Variants in FANCA observed in about 807,000 individuals in gnomAD.
FANCA encodes the protein Fanconi anemia group A protein.
In FANCA, 236 loss-of-function variants were observed where a neutral mutation model predicts 194.3. That is an observed-to-expected ratio of 1.21 (90% CI 1.09 to 1.35). FANCA has a LOEUF of 1.35. Ranked by LOEUF, FANCA falls within the 40% of genes most tolerant of loss-of-function variation. The pLI is 0.00. For missense variants in FANCA, 2,628 were observed against 1,813.9 expected, an observed-to-expected ratio of 1.45 and a Z score of -8.15; for synonymous variants, 1,014 against 715.8, an observed-to-expected ratio of 1.42 and a Z score of -6.65.
At chr16:89,746,767 T>G in intron 34 of FANCA, 64 bp downstream of exon 34, 1 of 1,593,002 alleles carries the variant, frequency 6.3e-7, no homozygotes. Context: ...CACAGGAAGC[T>G]GACAGGAGGA....
At chr16:89,781,844 A>G (rs2039719003) in intron 17 of FANCA, among the ~76,000 whole-genome samples, 1 of 145,390 alleles carries the variant, frequency 6.9e-6, no homozygotes, top group South Asian at 2.2e-4. Flanking sequence ...CTAAAAATAT[A>G]CAAAAAATTA....
At chr16:89,805,508 C>G in intron 6 of FANCA, 116 bp from the exon 7 acceptor site, 1 of 737,130 alleles carries the variant, frequency 1.4e-6, no homozygotes, top group Non-Finnish European at 2.4e-6. Flanking sequence ...GTCACTGAGG[C>G]TGGAGTGCAG....
chr16:89,765,141 G>A lies in FANCA; in HGVS notation c.2602-75C>T, dbSNP rs561625010. 1.9e-6 allele frequency: 3 copies of A among 1,539,802 alleles called. No individual in the cohort carries two copies. In the East Asian group the frequency reaches 6.8e-5, roughly 35 times the overall value. On this transcript the variant is annotated intron_variant, in intron 27 of 42. Coordinates refer to ENST00000389301, the MANE Select transcript of FANCA (RefSeq NM_000135.4). ...TGAGTGGCTGAGCAAATGCTCAGGT[G>A]GAAACAGACCATCAACAGCCCACAC...
In FANCA at chr16:89,766,322, G is replaced by A. The variant is rs531351194; in HGVS notation, c.2601+819C>T. On this transcript the variant is annotated intron_variant, in intron 27 of 42. Coordinates refer to ENST00000389301, the MANE Select transcript of FANCA (RefSeq NM_000135.4). Reference sequence around the variant, plus strand: ...AAAACCACTATTTTATACACGAGACGTTCATTAAAATCCTATAAAAGGACA... The same window carrying A: ...AAAACCACTATTTTATACACGAGACATTCATTAAAATCCTATAAAAGGACA... 2.0e-5 allele frequency among the ~76,000 whole-genome samples: 3 copies of A among 152,064 alleles called. No individual in the cohort carries two copies. In the South Asian group the frequency reaches 6.2e-4, roughly 32 times the overall value.
intron 17 of FANCA, 55 bp from the exon 18 acceptor site, chr16:89,780,012 C>A (rs2039646898): frequency 1.3e-6 from 2 of 1,519,848 alleles, no homozygotes; most frequent in Non-Finnish European, 1.8e-6. Flanking sequence ...AAAGAAAAGA[C>A]TGAGCAGTGA....
At chr16:89,790,115 C>T (rs1054947328) in intron 14 of FANCA, among the ~76,000 whole-genome samples, 3 of 152,146 alleles carry the variant, frequency 2.0e-5, no homozygotes, top group Non-Finnish European at 4.4e-5. Context: ...AAATTAGAGA[C>T]GCAAGGCTGG....
At chr16:89,770,414 C>A in intron 24 of FANCA, 150 bp downstream of exon 24, 1 of 1,021,476 alleles carries the variant, frequency 9.8e-7, no homozygotes, top group Non-Finnish European at 1.5e-6. Flanking sequence ...CAGTGCTTCC[C>A]AACTTCTGCT....
chr16:89,770,590 A>C lies in FANCA; in HGVS notation c.2196T>G (p.Ala732=). 6.2e-7 allele frequency: 1 copy of C among 1,611,786 alleles called. No homozygotes were observed. The highest frequency in any genetic ancestry group is 1.3e-5 in the African/African-American group (1 of 74,998). Reference sequence around the variant, plus strand: ...TCTCCGGGGGAGCGACACTGGAGGCAGCCATCAGGTTCTGACAGAAAGACG... The same window carrying C: ...TCTCCGGGGGAGCGACACTGGAGGCCGCCATCAGGTTCTGACAGAAAGACG... ...LLTSFCQNLM[A]ASSVAPPERQ... The change falls in exon 24 of 43, where the codon GCT becomes GCG. Residue 732 remains alanine (A), a synonymous_variant. Transcript: ENST00000389301.
At chr16:89,812,670 A>AC (rs2040941609) in intron 3 of FANCA, among the ~76,000 whole-genome samples, 2 of 148,914 alleles carry the variant, frequency 1.3e-5, no homozygotes, top group East Asian at 1.9e-4. Context: ...AAAAAAAAAA[A>AC]CTGTTAACTG....
Position 89,815,869 on chromosome 16 carries a change from C to T in FANCA, c.189+8G>A, listed in dbSNP as rs2143723236. 1 of 1,602,870 alleles carries T rather than the reference C, an allele frequency of 6.2e-7. No homozygotes were observed. Among genetic ancestry groups the T allele is most frequent in the East Asian group, 2.2e-5 (1 of 44,820 alleles). Reference sequence around the variant, plus strand: ...TCTGCCCGCAGACGGACACCAGCTTCCTCTTACCTCAAGCAAAAGGGCATT... The same window carrying T: ...TCTGCCCGCAGACGGACACCAGCTTTCTCTTACCTCAAGCAAAAGGGCATT... On this transcript the variant is annotated splice_region_variant and intron_variant, in intron 2 of 42. Coordinates refer to ENST00000389301, the MANE Select transcript of FANCA (RefSeq NM_000135.4).
At chr16:89,766,880 T>C (rs1051957113) in intron 27 of FANCA, among the ~76,000 whole-genome samples, 2 of 152,268 alleles carry the variant, frequency 1.3e-5, no homozygotes, top group Admixed American at 1.3e-4. Context: ...TACAGACTTG[T>C]AGTTGTCTTC....
At chr16:89,784,738 T>G in intron 15 of FANCA, 116 bp downstream of exon 15, 1 of 822,338 alleles carries the variant, frequency 1.2e-6, no homozygotes, top group Non-Finnish European at 2.2e-6. Flanking sequence ...GGGAAGGGCC[T>G]GGCTGAGAGG....
chr16:89,738,825 G>A, intron 42 of FANCA, 57 bp downstream of exon 42: 1 of 1,614,088 alleles, frequency 6.2e-7, no homozygotes, highest in South Asian at 1.1e-5. Context: ...ACATGGCCCA[G>A]GCAGCTGTCA....
At chr16:89,746,557 A>C (rs770811076) in intron 35 of FANCA, 27 bp downstream of exon 35, 1 of 1,600,536 alleles carries the variant, frequency 6.2e-7, no homozygotes, top group Non-Finnish European at 8.6e-7. Flanking sequence ...CCCCAAAACA[A>C]AACACCAAAC....
At chr16:89,794,478 G>C (rs1309424959) in intron 11 of FANCA, among the ~76,000 whole-genome samples, 1 of 152,140 alleles carries the variant, frequency 6.6e-6, no homozygotes, top group Non-Finnish European at 1.5e-5. Context: ...AGAGGTTGCA[G>C]TGAGCTGAGA....
chr16:89,741,043 TTAC>T, intron 37 of FANCA, 177 bp from the exon 38 acceptor site: 1 of 652,120 alleles, frequency 1.5e-6, no homozygotes, highest in Non-Finnish European at 2.8e-6. Flanking sequence ...TGAGAATTAA[TTAC>T]TACTGGCTGG....
At chr16:89,810,022 T>C (rs1398001889) in intron 5 of FANCA, among the ~76,000 whole-genome samples, 1 of 149,480 alleles carries the variant, frequency 6.7e-6, no homozygotes, top group African/African-American at 2.5e-5. Flanking sequence ...CAATATTCTG[T>C]CTCAAAAATA....
Position 89,744,930 on chromosome 16 carries a change from G to A in FANCA, c.3626+29C>T, listed in dbSNP as rs536008996. 5 of 1,594,692 alleles carry A rather than the reference G, an allele frequency of 3.1e-6. No individual in the cohort carries two copies. In the South Asian group the frequency reaches 3.3e-5, roughly 11 times the overall value. ...CAGGTCCCGAAGTGCATCTGGGCGG[G>A]CACACCCCATCTCACCACCCACACG... On this transcript the variant is annotated intron_variant, in intron 36 of 42. Transcript: ENST00000389301.
At position 89,767,124 on chromosome 16, in the gene FANCA, GAA is replaced by G. The variant is rs779895555; in HGVS notation, c.2601+15_2601+16del. The G allele has an allele frequency of 6.3e-7, 1 of 1,583,708 alleles. No individual in the cohort carries two copies. The highest frequency in any genetic ancestry group is 1.7e-4 in the Middle Eastern group (1 of 6,012). ...AACGTATGGCAGAATGGAAAAATAG[GAA>G]AAGAGTGAACCTACCTTTTTAATAA... On this transcript the variant is annotated intron_variant, in intron 27 of 42. Coordinates refer to ENST00000389301, the MANE Select transcript of FANCA (RefSeq NM_000135.4).
Sources: gnomAD v4.1 joint callset for allele counts (sites outside exome capture counted in the v4.1 genomes callset) on GRCh38, gnomAD v4.1.1 for gene constraint, MANE v1.5 for transcripts, NCBI Gene and HGNC (gene_info 2026-07-23, HGNC 2026-07-21) for gene names.